The following ZNF112 variants were observed in gnomAD, a reference collection of about 807,000 sequenced individuals.
ZNF112 encodes the protein zinc finger protein 112 (Y14).
In ZNF112, 37 loss-of-function variants were observed where a neutral mutation model predicts 77.7. The ratio of observed to expected loss-of-function variants is 0.48; its 90% CI spans 0.37 to 0.63. The LOEUF is 0.63. Among genes scored for constraint, ZNF112 ranks in the 20% least tolerant of loss-of-function variants. ZNF112 has a pLI of 0.00. For synonymous variants in ZNF112, 333 were observed against 363.6 expected (o/e 0.92, Z 0.96); for missense variants, 950 against 1,077.4 (o/e 0.88, Z 1.66).
chr19:44,336,789 AG>A, intron 2 of ZNF112, 71 bp from the exon 3 acceptor site: 1 of 1,219,170 alleles, frequency 8.2e-7, no homozygotes, highest in South Asian at 1.2e-5. Context: ...CTAGACAAAA[AG>A]GTATACACAG....
intron 1 of ZNF112, among the ~76,000 whole-genome samples, chr19:44,366,796 A>C (rs1970909262): frequency 6.6e-6 from 1 of 152,006 alleles, no homozygotes; most frequent in African/African-American, 2.4e-5. Flanking sequence ...TTCTCGGGAA[A>C]TTAAAAAAAA....
At chr19:44,358,698 C>G (rs536556140), upstream of ZNF112, among the ~76,000 whole-genome samples, 8 of 152,296 alleles carry the variant, frequency 5.3e-5, no homozygotes, top group South Asian at 1.7e-3. Flanking sequence ...TACTGAAATA[C>G]TAAATATGCT....
intron 1 of ZNF112, among the ~76,000 whole-genome samples, chr19:44,366,480 A>C (rs1233441262): frequency 6.6e-6 from 1 of 152,138 alleles, no homozygotes; most frequent in Non-Finnish European, 1.5e-5. Flanking sequence ...CGGCAAGAAG[A>C]AGGATGCTAA....
intron 3 of ZNF112, among the ~76,000 whole-genome samples, chr19:44,332,310 C>A (rs1035139350): frequency 2.0e-5 from 3 of 152,178 alleles, no homozygotes; most frequent in African/African-American, 7.2e-5. Context: ...ATCTGTATCA[C>A]TAGGCTCTGG....
Position 44,337,844 on chromosome 19 carries a change from C to A in ZNF112, c.125-1126G>T, listed in dbSNP as rs746574714. Among the ~76,000 whole-genome samples, 5 of 10,242 alleles carry A rather than the reference C, an allele frequency of 4.9e-4. No individual in the cohort carries two copies. In the African/African-American group the frequency reaches 8.4e-3, roughly 17 times the overall value. The allele number at this position is 10,242 out of a possible 152,430, so 6.7% of individuals were successfully genotyped here. A position where few individuals can be genotyped will look rare whatever the true frequency, so the allele number is the denominator to read the frequency against. Reference sequence around the variant, plus strand: ...GTGTATGTATATACATACACATACACACACACACACACACACACACACACA... The same window carrying A: ...GTGTATGTATATACATACACATACAAACACACACACACACACACACACACA... On this transcript the variant is annotated intron_variant, in intron 2 of 3. Coordinates refer to ENST00000354340, the MANE Select transcript of ZNF112 (RefSeq NM_013380.4).
chr19:44,341,318 T>C (rs549032020), intron 1 of ZNF112: 4 of 398,506 alleles, frequency 1.0e-5, no homozygotes, highest in South Asian at 5.6e-5. Context: ...AGTTTGAGGT[T>C]ACCTATACGA....
At chr19:44,337,292 G>T (rs1190118350) in intron 2 of ZNF112, among the ~76,000 whole-genome samples, 4 of 120,246 alleles carry the variant, frequency 3.3e-5, no homozygotes, top group East Asian at 2.3e-4. Context: ...TTTCATATAT[G>T]TATAAAATAT....
intron 1 of ZNF112, among the ~76,000 whole-genome samples, chr19:44,365,214 G>A (rs1199307023): frequency 6.6e-6 from 1 of 152,188 alleles, no homozygotes; most frequent in South Asian, 2.1e-4. Flanking sequence ...AGCACTTTGG[G>A]AGGCCAAGGT....
chr19:44,333,652 T>C (rs1031388001), intron 3 of ZNF112, among the ~76,000 whole-genome samples: 3 of 152,198 alleles, frequency 2.0e-5, no homozygotes, highest in Admixed American at 2.0e-4. Context: ...TCTCTTCCTC[T>C]TTCTCTGCCA....
intron 2 of ZNF112, among the ~76,000 whole-genome samples, chr19:44,337,348 GTGTAAAATATATATTATTATATATATTT>G (rs1413701684): frequency 0.052 from 2,705 of 52,188 alleles, 23 homozygotes; most frequent in African/African-American, 0.093. Flanking sequence ...TTTTGTATAT[GTGTAAAATATATATTATTATATATATTT>G]TATATATAAT....
chr19:44,356,063 G>A (rs1970780894), intron 1 of ZNF112, among the ~76,000 whole-genome samples: 1 of 152,126 alleles, frequency 6.6e-6, no homozygotes, highest in African/African-American at 2.4e-5. Context: ...CTGTCCTAAA[G>A]AAAAATCTCT....
chr19:44,358,539 A>G (rs1273787751), upstream of ZNF112, among the ~76,000 whole-genome samples: 3 of 152,216 alleles, frequency 2.0e-5, no homozygotes, highest in African/African-American at 7.2e-5. Context: ...GGTCTAGTTT[A>G]GGATCTGAAA....
chr19:44,342,564 C>T (rs1394197487), intron 1 of ZNF112, among the ~76,000 whole-genome samples: 2 of 152,116 alleles, frequency 1.3e-5, no homozygotes, highest in African/African-American at 4.8e-5. Context: ...CGCCTGTAAT[C>T]CCAGCACTTT....
rs534477071 is a variant in ZNF112 at position 44,363,588 on chromosome 19, C to G, written c.17+3493G>C. Reference sequence around the variant, plus strand: ...ACAATTCTTTGAGTATAGTGTTTTTCAGATCCATCCATGTTGATGCACATA... The same window carrying G: ...ACAATTCTTTGAGTATAGTGTTTTTGAGATCCATCCATGTTGATGCACATA... On this transcript the variant is annotated intron_variant, in intron 1 of 4. Coordinates refer to the ZNF112 transcript ENST00000588057. 5.9e-5 allele frequency among the ~76,000 whole-genome samples: 9 copies of G among 152,282 alleles called. No individual in the cohort carries two copies. The South Asian group carries it at 1.9e-3, about 32-fold the overall frequency.
chr19:44,340,592 T>C, intron 1 of ZNF112, 50 bp from the exon 2 acceptor site: 1 of 1,612,414 alleles, frequency 6.2e-7, no homozygotes, highest in Non-Finnish European at 8.5e-7. Context: ...AGGGCAGTGC[T>C]GAGAAGGTGT....
rs1568660670 is a variant in ZNF112 at position 44,329,874 on chromosome 19, TG to T, written c.282del (p.Glu96SerfsTer15). 1 of 1,613,954 alleles carries T rather than the reference TG, an allele frequency of 6.2e-7. No homozygotes were observed. Among genetic ancestry groups the T allele is most frequent in the South Asian group, 1.1e-5 (1 of 91,074 alleles). ...IQEVTVSYFS[P>X]KELSSRQTWQ... is the part of the protein sequence containing the mutation. ...CAGGTCTGACGGGAGGAAAGCTCTTTGGGGGAAAAGTAGCTTACTGTTACTT... is the reference window on the plus strand; with the variant it reads ...CAGGTCTGACGGGAGGAAAGCTCTTTGGGGAAAAGTAGCTTACTGTTACTT... On this transcript the variant is annotated frameshift_variant, in exon 4 of 4. Transcript: ENST00000354340. LOFTEE classifies it high-confidence loss of function.
intron 1 of ZNF112, among the ~76,000 whole-genome samples, chr19:44,345,095 T>C (rs1970563567): frequency 6.6e-6 from 1 of 152,120 alleles, no homozygotes; most frequent in Non-Finnish European, 1.5e-5. Flanking sequence ...CCGGTATCAA[T>C]GGGGAGCTTT....
intron 1 of ZNF112, among the ~76,000 whole-genome samples, chr19:44,350,786 A>G (rs1970676842): frequency 6.6e-6 from 1 of 152,112 alleles, no homozygotes; most frequent in African/African-American, 2.4e-5. Flanking sequence ...TCTGCATTTC[A>G]AAGTCCATTT....
intron 3 of ZNF112, 130 bp from the exon 4 acceptor site, chr19:44,330,066 A>T: frequency 4.6e-6 from 3 of 659,216 alleles, no homozygotes; most frequent in Non-Finnish European, 5.0e-6. Context: ...TATTTCTAAG[A>T]ATACTTAGAA....
Sources: gnomAD v4.1 joint callset for allele counts (sites outside exome capture counted in the v4.1 genomes callset) on GRCh38, gnomAD v4.1.1 for gene constraint, MANE v1.5 for transcripts, NCBI Gene and HGNC (gene_info 2026-07-23, HGNC 2026-07-21) for gene names.